The following TNPO1 variants were observed in gnomAD, a reference collection of about 807,000 sequenced individuals.
TNPO1 encodes the protein transportin-1.
Under a neutral mutation model 119.5 loss-of-function variants are expected in TNPO1, and 8 were observed. That is an observed-to-expected ratio of 0.07 (90% CI 0.04 to 0.12). The LOEUF is 0.12. TNPO1 is among the 10% of genes least tolerant of loss of function. The probability of loss-of-function intolerance (pLI) is 1.00; values close to 1 mark genes in which losing one functional copy is unlikely to be tolerated. For missense variants in TNPO1, 576 were observed against 1,089.8 expected, an observed-to-expected ratio of 0.53 and a Z score of 6.64; for synonymous variants, 362 against 363.0, an observed-to-expected ratio of 1.00 and a Z score of 0.03.
chr5:72,852,086 C>A (rs909008306), intron 3 of TNPO1, among the ~76,000 whole-genome samples: 1 of 152,160 alleles, frequency 6.6e-6, no homozygotes, highest in African/African-American at 2.4e-5. Flanking sequence ...TGGTCACATA[C>A]TATTTTAAAA....
chr5:72,886,527 C>T (rs959564704), intron 11 of TNPO1, among the ~76,000 whole-genome samples: 1 of 152,100 alleles, frequency 6.6e-6, no homozygotes, highest in African/African-American at 2.4e-5. Context: ...TCTAGTATGA[C>T]AGTTATGTAC....
chr5:72,897,202 A>T, intron 20 of TNPO1, 51 bp downstream of exon 20: 1 of 1,324,376 alleles, frequency 7.6e-7, no homozygotes, highest in Non-Finnish European at 1.1e-6. Flanking sequence ...TTGCCTTTTA[A>T]TTTTAATATG....
chr5:72,840,521 G>T (rs1002406791), intron 1 of TNPO1, among the ~76,000 whole-genome samples: 1 of 152,008 alleles, frequency 6.6e-6, no homozygotes, highest in African/African-American at 2.4e-5. Flanking sequence ...ATACTAGCTG[G>T]GCAAGCTACT....
In TNPO1 at chr5:72,851,327, G is replaced by A. The variant is rs776460003; in HGVS notation, c.205+8G>A. On this transcript the variant is annotated splice_region_variant and intron_variant, in intron 3 of 24. Transcript: ENST00000337273. ...CAAAATTAAAATCTGAAGGTAAGTA[G>A]GATTTGTATTGATAACTATTTAAAG... The A allele has an allele frequency of 1.9e-5, 28 of 1,481,942 alleles. No individual in the cohort carries two copies. The highest frequency in any genetic ancestry group is 2.3e-5 in the Non-Finnish European group (24 of 1,064,000). The allele number at this position is 1,481,942 out of a possible 1,614,324, so 91.8% of individuals were successfully genotyped here. A position where few individuals can be genotyped will look rare whatever the true frequency, so the allele number is the denominator to read the frequency against.
Position 72,913,945 on chromosome 5 carries a change from T to G in TNPO1, c.*5272T>G, listed in dbSNP as rs923702481. 2 of 152,624 alleles carry G rather than the reference T, an allele frequency of 1.3e-5. No individual in the cohort carries two copies. Among genetic ancestry groups the G allele is most frequent in the Non-Finnish European group, 2.9e-5 (2 of 67,990 alleles). The allele number at this position is 152,624 out of a possible 1,614,324, so 9.5% of individuals were successfully genotyped here. A position where few individuals can be genotyped will look rare whatever the true frequency, so the allele number is the denominator to read the frequency against. ...AATCACTTCATATTACAAAACAGTT[T>G]TACACTTAATATGTTAACATTGGGT... On this transcript the variant is annotated 3_prime_UTR_variant, in exon 25 of 25. Coordinates refer to ENST00000337273, the MANE Select transcript of TNPO1 (RefSeq NM_002270.4).
chr5:72,891,814 A>G lies in TNPO1; in HGVS notation c.1706A>G (p.Tyr569Cys). The change falls in exon 15 of 25, where the codon TAT (tyrosine) becomes TGT (cysteine). Residue 569 changes from tyrosine to cysteine, a missense_variant. By Grantham distance (194) the Tyr-to-Cys change is radical. This residue lies in a region of TNPO1 where 23 missense variants were observed against 105.8 expected (regional missense o/e 0.22). Coordinates refer to ENST00000337273, the MANE Select transcript of TNPO1 (RefSeq NM_002270.4). The stretch of plus-strand genomic sequence containing the variant: ...GTTTTTCATCATTGTAAATAGGAAT[A>G]TATTCAGATGCTAATGCCTCCACTG... ...SVGHHLNKPEYIQMLMPPLIQ... is the reference protein window; with the variant it reads ...SVGHHLNKPECIQMLMPPLIQ... 1 of 1,602,106 alleles carries G rather than the reference A, an allele frequency of 6.2e-7. No individual in the cohort carries two copies. Among genetic ancestry groups the G allele is most frequent in the Non-Finnish European group, 8.5e-7 (1 of 1,172,066 alleles).
chr5:72,841,143 C>T (rs2112217992), intron 1 of TNPO1, among the ~76,000 whole-genome samples: 1 of 148,464 alleles, frequency 6.7e-6, no homozygotes, highest in East Asian at 2.0e-4. Flanking sequence ...TTTTGGAGAC[C>T]GAATTTCCCT....
intron 20 of TNPO1, among the ~76,000 whole-genome samples, chr5:72,898,489 T>TA (rs1435428990): frequency 6.6e-6 from 1 of 152,158 alleles, no homozygotes; most frequent in Non-Finnish European, 1.5e-5. Flanking sequence ...GATTACCTCT[T>TA]ATCACAAGTG....
intron 1 of TNPO1, among the ~76,000 whole-genome samples, chr5:72,845,730 A>T (rs1745098933): frequency 6.6e-6 from 1 of 152,196 alleles, no homozygotes; most frequent in Non-Finnish European, 1.5e-5. Flanking sequence ...TTGAAAAGAA[A>T]ACCCTAGTTG....
At chr5:72,863,507 C>G (rs1746639968) in intron 5 of TNPO1, among the ~76,000 whole-genome samples, 3 of 152,050 alleles carry the variant, frequency 2.0e-5, no homozygotes, top group Admixed American at 2.0e-4. Context: ...CACCTGTAAT[C>G]CCAGCACTTT....
At chr5:72,898,613 A>G (rs530383045) in intron 20 of TNPO1, among the ~76,000 whole-genome samples, 17 of 152,262 alleles carry the variant, frequency 1.1e-4, no homozygotes, top group African/African-American at 4.1e-4. Context: ...AATTACCATT[A>G]TCTCAATATT....
rs761243022 is a variant in TNPO1 at position 72,900,014 on chromosome 5, A to G, written c.2347A>G (p.Ile783Val). The G allele has an allele frequency of 2.4e-5, 39 of 1,613,820 alleles. No individual in the cohort carries two copies. The South Asian group carries it at 2.9e-4, about 12-fold the overall frequency. The change falls in exon 21 of 25, where the codon ATT becomes GTT. Residue 783 changes from isoleucine (I) to valine (V), a missense_variant. Physicochemically the swap from Ile to Val is conservative, Grantham distance 29. Around this residue, in one of 6 missense-constraint regions of TNPO1, gnomAD observed 162 missense variants for 294.1 expected, o/e 0.55. Transcript: ENST00000337273. ...TGATTGCGTTACCTTAGCAATAACAATTGGTCGTCTTGGTTACGTTTGTCC... is the reference window on the plus strand; with the variant it reads ...TGATTGCGTTACCTTAGCAATAACAGTTGGTCGTCTTGGTTACGTTTGTCC... Reference protein sequence around the residue: ...KTLLENTAITIGRLGYVCPQE... With the variant: ...KTLLENTAITVGRLGYVCPQE...
chr5:72,881,153 C>T (rs1356312598), intron 9 of TNPO1, among the ~76,000 whole-genome samples: 2 of 151,948 alleles, frequency 1.3e-5, no homozygotes. Flanking sequence ...CTCTGTTTCC[C>T]AGGCTGGAGT....
At chr5:72,838,012 T>C (rs1445148995) in intron 1 of TNPO1, among the ~76,000 whole-genome samples, 1 of 152,216 alleles carries the variant, frequency 6.6e-6, no homozygotes, top group Non-Finnish European at 1.5e-5. Flanking sequence ...CTGACTAATA[T>C]ATGCCCCTGT....
intron 7 of TNPO1, 120 bp from the exon 8 acceptor site, chr5:72,875,495 C>A: frequency 1.1e-6 from 1 of 926,354 alleles, no homozygotes; most frequent in Non-Finnish European, 1.6e-6. Flanking sequence ...TATTGTAGGC[C>A]AATTCAGTCA....
intron 1 of TNPO1, among the ~76,000 whole-genome samples, chr5:72,845,404 C>T (rs1580382047): frequency 6.6e-6 from 1 of 152,086 alleles, no homozygotes; most frequent in Non-Finnish European, 1.5e-5. Context: ...ATCTAATTAA[C>T]CCTGCAATGT....
At chr5:72,848,117 C>T (rs903364608) in intron 1 of TNPO1, 1 of 1,141,546 alleles carries the variant, frequency 8.8e-7, no homozygotes, top group Non-Finnish European at 1.1e-6. Context: ...TGCAAATTCG[C>T]GGTGACTCAG....
rs561401408 is a variant in TNPO1, at chr5:72,853,670, T to C, written c.206-2104T>C. Among the ~76,000 whole-genome samples the C allele has an allele frequency of 1.4e-3, 214 of 151,764 alleles. 1 individual carries two copies. Among genetic ancestry groups the C allele is most frequent in the African/African-American group, 4.6e-3 (189 of 41,374 alleles). ...TCTTGTGTTTATGCATTTTTTTTTTTCCCTGGGAAGATTGGGACACAAGTT... is the reference window on the plus strand; with the variant it reads ...TCTTGTGTTTATGCATTTTTTTTTTCCCCTGGGAAGATTGGGACACAAGTT... On this transcript the variant is annotated intron_variant, in intron 3 of 24. Coordinates refer to ENST00000337273, the MANE Select transcript of TNPO1 (RefSeq NM_002270.4).
At chr5:72,819,787 T>G (rs1281078949) in intron 1 of TNPO1, among the ~76,000 whole-genome samples, 3 of 152,256 alleles carry the variant, frequency 2.0e-5, no homozygotes. Context: ...TGGCACCTTC[T>G]GTAATTATCT....
Sources: allele counts gnomAD v4.1 joint callset (sites outside exome capture counted in the v4.1 genomes callset), GRCh38; gene constraint gnomAD v4.1.1; regional missense constraint gnomAD v4.1.1; transcripts MANE v1.5; gene names NCBI Gene and HGNC (gene_info 2026-07-23, HGNC 2026-07-21).